Variants in GATAD1 observed in about 807,000 individuals in gnomAD.
GATAD1 encodes GATA zinc finger domain-containing protein 1.
In GATAD1, 12 loss-of-function variants were observed where a neutral mutation model predicts 26.5. The observed-to-expected ratio is 0.45, with a 90% CI of 0.29 to 0.73. The LOEUF is 0.73. Among genes scored for constraint, GATAD1 ranks in the 30% least tolerant of loss-of-function variants. The probability of loss-of-function intolerance (pLI) is 0.10; values close to 1 mark genes in which losing one functional copy is unlikely to be tolerated. For missense variants in GATAD1, 266 were observed against 342.1 expected, an observed-to-expected ratio of 0.78 and a Z score of 1.75; for synonymous variants, 129 against 133.1, an observed-to-expected ratio of 0.97 and a Z score of 0.21.
At chr7:92,475,903 C>A in the GATAD1 span, among the ~76,000 whole-genome samples, 1 of 152,216 alleles carries the variant, frequency 6.6e-6, no homozygotes, top group South Asian at 2.1e-4. Context: ...TCTTTTGATT[C>A]TGTAAGTACT....
intron 4 of GATAD1, 119 bp downstream of exon 4, chr7:92,454,804 A>G (rs939301982): frequency 7.7e-6 from 5 of 649,774 alleles, no homozygotes; most frequent in Non-Finnish European, 1.3e-5. Context: ...TGAGTGGCTT[A>G]AACAACAGAA....
At chr7:92,485,758 TA>T in the GATAD1 span, among the ~76,000 whole-genome samples, 1 of 152,232 alleles carries the variant, frequency 6.6e-6, no homozygotes, top group African/African-American at 2.4e-5. Flanking sequence ...AATTGTTAAG[TA>T]ACATATCTCC....
chr7:92,487,781 G>A, the GATAD1 span, among the ~76,000 whole-genome samples: 80 of 151,124 alleles, frequency 5.3e-4, no homozygotes, highest in African/African-American at 1.9e-3. Flanking sequence ...AAATGACAAT[G>A]AATAATATGA....
chr7:92,449,073 T>A, intron 2 of GATAD1, 196 bp downstream of exon 2: 1 of 1,051,580 alleles, frequency 9.5e-7, no homozygotes, highest in Non-Finnish European at 1.3e-6. Context: ...AATAATACTC[T>A]TTCCTTTTTG....
At chr7:92,487,547 AAAAG>A in the GATAD1 span, 4 of 1,432,024 alleles carry the variant, frequency 2.8e-6, no homozygotes, top group Non-Finnish European at 2.9e-6. Flanking sequence ...CATATCTGAA[AAAAG>A]AAAGAGATAA....
Position 92,447,970 on chromosome 7 carries a change from G to A in GATAD1, c.241G>A (p.Gly81Ser), listed in dbSNP as rs1789230677. Reference protein sequence around the residue: ...TPPQSNGGGGGKQSKQEIHRR... With the variant: ...TPPQSNGGGGSKQSKQEIHRR... ...TCCGCAGAGCAACGGGGGCGGGGGCGGCAAGCAGGTGAGCTCCTCCGGCCC... is the reference window on the plus strand; with the variant it reads ...TCCGCAGAGCAACGGGGGCGGGGGCAGCAAGCAGGTGAGCTCCTCCGGCCC... The change falls in exon 1 of 5, where the codon GGC becomes AGC. Residue 81 changes from glycine to serine, a missense_variant. Transcript: ENST00000287957. 1.6e-6 allele frequency: 2 copies of A among 1,222,480 alleles called. No homozygotes were observed. Among genetic ancestry groups the A allele is most frequent in the Non-Finnish European group, 2.0e-6 (2 of 982,868 alleles). The allele number at this position is 1,222,480 out of a possible 1,614,324, so 75.7% of individuals were successfully genotyped here.
At chr7:92,465,996 T>G in the GATAD1 span, among the ~76,000 whole-genome samples, 1 of 152,020 alleles carries the variant, frequency 6.6e-6, no homozygotes. Flanking sequence ...AGAGTGAGAC[T>G]CGGTCTCAAA....
At chr7:92,455,831 G>A (rs1027989602) in intron 4 of GATAD1, among the ~76,000 whole-genome samples, 3 of 152,200 alleles carry the variant, frequency 2.0e-5, no homozygotes, top group Non-Finnish European at 4.4e-5. Flanking sequence ...TCTCAGCAGA[G>A]GCAGTGATGT....
chr7:92,478,099 C>G, the GATAD1 span: 1 of 152,190 alleles, frequency 6.6e-6, no homozygotes, highest in East Asian at 1.9e-4. Context: ...AGCTAAGTTG[C>G]AAGCCCCGTG....
the GATAD1 span, among the ~76,000 whole-genome samples, chr7:92,479,645 G>A: frequency 3.7e-3 from 565 of 152,218 alleles, 2 homozygotes; most frequent in African/African-American, 0.013. Flanking sequence ...AAGTGTTGGG[G>A]CAGCAAAAAT....
At chr7:92,474,046 A>C in the GATAD1 span, among the ~76,000 whole-genome samples, 1 of 152,052 alleles carries the variant, frequency 6.6e-6, no homozygotes, top group Non-Finnish European at 1.5e-5. Context: ...TGTAGACCGC[A>C]CTGGAAGCAA....
the GATAD1 span, chr7:92,471,779 A>G: frequency 2.0e-5 from 3 of 152,030 alleles, no homozygotes; most frequent in African/African-American, 7.2e-5. Context: ...TGGCTTCCTG[A>G]TGTTTGATAG....
intron 1 of GATAD1, 62 bp from the exon 2 acceptor site, chr7:92,448,690 T>A: frequency 7.5e-7 from 1 of 1,326,698 alleles, no homozygotes; most frequent in Non-Finnish European, 1.1e-6. Context: ...ATGATTGTAC[T>A]GCAACCTTTA....
At chr7:92,485,784 A>C in the GATAD1 span, among the ~76,000 whole-genome samples, 1 of 152,150 alleles carries the variant, frequency 6.6e-6, no homozygotes, top group Non-Finnish European at 1.5e-5. Context: ...TTCTGTCAGG[A>C]GGTAGAGATG....
chr7:92,451,603 C>A (rs144785002), intron 3 of GATAD1, among the ~76,000 whole-genome samples: 3 of 152,260 alleles, frequency 2.0e-5, no homozygotes, highest in African/African-American at 7.2e-5. Flanking sequence ...CTGTTCCTCC[C>A]AACAGGGGTA....
At chr7:92,450,849 A>C in intron 3 of GATAD1, 89 bp downstream of exon 3, 1 of 780,708 alleles carries the variant, frequency 1.3e-6, no homozygotes, top group South Asian at 1.5e-5. Context: ...GGTCTCTGCT[A>C]CTCTTTATTT....
chr7:92,469,962 A>G, the GATAD1 span: 963 of 777,424 alleles, frequency 1.2e-3, 7 homozygotes, highest in African/African-American at 0.014. Context: ...TAGAGGTGCC[A>G]TGTACCCGGG....
intron 4 of GATAD1, among the ~76,000 whole-genome samples, chr7:92,455,624 CT>C (rs1331900482): frequency 1.3e-5 from 2 of 152,152 alleles, no homozygotes; most frequent in African/African-American, 4.8e-5. Context: ...GACTTTTTAT[CT>C]TTCTGCAGTG....
chr7:92,447,643 G>C lies in GATAD1; in HGVS notation c.-87G>C. ...CTCTCACCGCTCTTCCTATCGCCGGGAGTGGCGGGCCGACCAGGGGGCGGC... is the reference window on the plus strand; with the variant it reads ...CTCTCACCGCTCTTCCTATCGCCGGCAGTGGCGGGCCGACCAGGGGGCGGC... On this transcript the variant is annotated 5_prime_UTR_variant, in exon 1 of 5. Transcript: ENST00000287957. 1 of 1,315,756 alleles carries C rather than the reference G, an allele frequency of 7.6e-7. No individual in the cohort carries two copies. The allele number at this position is 1,315,756 out of a possible 1,614,324, so 81.5% of individuals were successfully genotyped here.
Sources: allele counts gnomAD v4.1 joint callset (sites outside exome capture counted in the v4.1 genomes callset), GRCh38; gene constraint gnomAD v4.1.1; transcripts MANE v1.5; gene names NCBI Gene and HGNC (gene_info 2026-07-23, HGNC 2026-07-21).